Variants in PDZD2 observed in about 807,000 individuals in gnomAD.
The protein encoded by PDZD2 is PDZ domain-containing protein 2.
In PDZD2, 90 loss-of-function variants were observed where a neutral mutation model predicts 220.7. The observed-to-expected ratio is 0.41, with a 90% confidence interval of 0.34 to 0.49. The LOEUF is 0.49. Ranked by LOEUF, PDZD2 falls within the 20% of genes least tolerant of loss-of-function variation. The pLI, the probability that PDZD2 is intolerant of heterozygous loss-of-function variation, is 0.28. For missense variants in PDZD2, 3,174 were observed against 3,608.5 expected (o/e 0.88, Z 3.08); for synonymous variants, 1,375 against 1,450.5 (o/e 0.95, Z 1.18).
rs186673238 is a variant in PDZD2, at chr5:31,878,828, T to G, written c.476+79104T>G. Among the ~76,000 whole-genome samples, 1,437 of 151,714 alleles carry G rather than the reference T, an allele frequency of 9.5e-3. 25 individuals are homozygous for G. The highest frequency in any genetic ancestry group is 0.032 in the African/African-American group (1,327 of 41,510). On this transcript the variant is annotated intron_variant, in intron 2 of 24. Coordinates refer to ENST00000438447, the MANE Select transcript of PDZD2 (RefSeq NM_178140.4). ...CGCCTGCCTCGGCCTCCCAAAGTGC[T>G]GGGATTACAGGCGTGAGCCACCGCG...
chr5:31,846,157 G>A (rs1422801868), intron 2 of PDZD2, among the ~76,000 whole-genome samples: 4 of 152,072 alleles, frequency 2.6e-5, no homozygotes, highest in Non-Finnish European at 2.9e-5. Flanking sequence ...TCTTTGAGAC[G>A]GAGTCTCACT....
chr5:31,853,831 G>A (rs1009837660), intron 2 of PDZD2, among the ~76,000 whole-genome samples: 2 of 152,156 alleles, frequency 1.3e-5, no homozygotes, highest in Admixed American at 1.3e-4. Flanking sequence ...GCCTGCCTGT[G>A]CAAGTCCCGG....
rs57714955 is a variant in PDZD2 at position 32,053,558 on chromosome 5, C to T, written c.1786-211C>T. On this transcript the variant is annotated intron_variant, in intron 9 of 24. Transcript: ENST00000438447. Reference sequence around the variant, plus strand: ...TTAATGTAATGCATGGCTAGTGCAGCGTAAATAGATCGGAGGAGGGGAATA... The same window carrying T: ...TTAATGTAATGCATGGCTAGTGCAGTGTAAATAGATCGGAGGAGGGGAATA... 9.5e-3 allele frequency among the ~76,000 whole-genome samples: 1,446 copies of T among 152,210 alleles called. 24 individuals carry two copies. Among genetic ancestry groups the T allele is most frequent in the African/African-American group, 0.032 (1,343 of 41,518 alleles).
chr5:31,868,652 C>T (rs1738454890), intron 2 of PDZD2, among the ~76,000 whole-genome samples: 1 of 152,102 alleles, frequency 6.6e-6, no homozygotes. Flanking sequence ...AACTCCTGGG[C>T]CCCTTGTTCT....
chr5:31,850,052 G>T (rs1273462402), intron 2 of PDZD2, among the ~76,000 whole-genome samples: 2 of 113,776 alleles, frequency 1.8e-5, no homozygotes, highest in East Asian at 2.4e-4. Context: ...ATATATATAC[G>T]TGTATATATA....
chr5:32,078,848 A>G (rs919403125), intron 19 of PDZD2, among the ~76,000 whole-genome samples: 1 of 151,750 alleles, frequency 6.6e-6, no homozygotes, highest in African/African-American at 2.4e-5. Flanking sequence ...GTGTATGTAA[A>G]ATTTGGCTAC....
chr5:31,921,724 GA>G (rs1744277395), intron 2 of PDZD2, among the ~76,000 whole-genome samples: 2 of 152,136 alleles, frequency 1.3e-5, no homozygotes, highest in East Asian at 3.9e-4. Flanking sequence ...CTCTTGAGCC[GA>G]ATATCTTTTC....
At chr5:32,008,561 A>G (rs1356110882) in intron 5 of PDZD2, among the ~76,000 whole-genome samples, 1 of 152,178 alleles carries the variant, frequency 6.6e-6, no homozygotes, top group Non-Finnish European at 1.5e-5. Flanking sequence ...CTAGGATTAC[A>G]GGCATGAGCC....
At chr5:31,649,034 A>G (rs944465106) in intron 1 of PDZD2, among the ~76,000 whole-genome samples, 11 of 151,938 alleles carry the variant, frequency 7.2e-5, no homozygotes, top group African/African-American at 2.7e-4. Context: ...CCCCCAACCC[A>G]GAGGGGTTTT....
At chr5:31,932,633 A>C (rs528479656) in intron 2 of PDZD2, among the ~76,000 whole-genome samples, 1 of 152,334 alleles carries the variant, frequency 6.6e-6, no homozygotes, top group African/African-American at 2.4e-5. Context: ...TCTCATTTTA[A>C]TAAATTTAAA....
At chr5:31,870,654 G>C (rs566280544) in intron 2 of PDZD2, among the ~76,000 whole-genome samples, 1 of 152,196 alleles carries the variant, frequency 6.6e-6, no homozygotes, top group African/African-American at 2.4e-5. Flanking sequence ...TTGGGAGGGC[G>C]AGGTGGGTGG....
At chr5:31,654,168 A>G (rs912408510) in intron 1 of PDZD2, among the ~76,000 whole-genome samples, 3 of 152,106 alleles carry the variant, frequency 2.0e-5, no homozygotes, top group Non-Finnish European at 2.9e-5. Context: ...AACTGCTCCT[A>G]TCGTTGTTGT....
intron 1 of PDZD2, among the ~76,000 whole-genome samples, chr5:31,657,766 G>A (rs1481711866): frequency 1.3e-5 from 2 of 152,148 alleles, no homozygotes; most frequent in African/African-American, 2.4e-5. Flanking sequence ...CAGGTTTGAG[G>A]AGGCCAGGGA....
intron 2 of PDZD2, among the ~76,000 whole-genome samples, chr5:31,854,039 G>C (rs1381724916): frequency 6.6e-6 from 1 of 152,224 alleles, no homozygotes; most frequent in Non-Finnish European, 1.5e-5. Flanking sequence ...TTTTCAACAA[G>C]TGTCAGGAGT....
intron 3 of PDZD2, among the ~76,000 whole-genome samples, chr5:31,995,202 T>C (rs1751530911): frequency 6.6e-6 from 1 of 152,202 alleles, no homozygotes; most frequent in Non-Finnish European, 1.5e-5. Context: ...TTAATCACTT[T>C]GCTATGCTGC....
chr5:32,037,195 G>T (rs192035110), intron 6 of PDZD2, 36 bp from the exon 7 acceptor site: 5 of 1,331,484 alleles, frequency 3.8e-6, no homozygotes, highest in Non-Finnish European at 5.4e-6. Context: ...CGCAGGGCTG[G>T]GCTCTCCCAT....
chr5:31,909,579 T>A (rs937035518), intron 2 of PDZD2, among the ~76,000 whole-genome samples: 1 of 152,282 alleles, frequency 6.6e-6, no homozygotes, highest in African/African-American at 2.4e-5. Context: ...AAAAGGTTTT[T>A]GGCCAACATT....
At position 32,088,396 on chromosome 5, in the gene PDZD2, GC is replaced by G. The variant is rs757435818; in HGVS notation, c.4950del (p.Cys1651AlafsTer21). 2 of 1,613,862 alleles carry G rather than the reference GC, an allele frequency of 1.2e-6. No individual in the cohort carries two copies. Among genetic ancestry groups the G allele is most frequent in the South Asian group, 2.2e-5 (2 of 91,056 alleles). On this transcript the variant is annotated frameshift_variant, in exon 20 of 25. Transcript: ENST00000438447. LOFTEE classifies it high-confidence loss of function. This position sits in a 1 kb window ranked among gnomAD's most constrained non-coding sequence, Gnocchi z 4.6. ...ESVASPREKA[A>X]CLPGSYTSGP... is the part of the protein sequence containing the mutation. ...GGTGGCCAGTCCCCGTGAGAAGGCC[GC>G]CTGCTTGCCAGGCTCATACACTTCA...
rs762616977 is a variant in PDZD2 at position 31,734,942 on chromosome 5, G to A, written c.-360-63947G>A. ...GTAAATGACAATATCACAATTCCTCGAGGATTTTTTGTTTACATGCATCAG... is the reference window on the plus strand; with the variant it reads ...GTAAATGACAATATCACAATTCCTCAAGGATTTTTTGTTTACATGCATCAG... On this transcript the variant is annotated intron_variant, in intron 1 of 24. Transcript: ENST00000438447. Among the ~76,000 whole-genome samples, 53 of 152,250 alleles carry A rather than the reference G, an allele frequency of 3.5e-4. 1 individual carries two copies. Among genetic ancestry groups the A allele is most frequent in the Admixed American group, 2.6e-4 (4 of 15,288 alleles).
Sources: gnomAD v4.1 joint callset for allele counts (sites outside exome capture counted in the v4.1 genomes callset) on GRCh38, gnomAD v4.1.1 for gene constraint, Gnocchi (gnomAD v3.1) non-coding constraint, MANE v1.5 for transcripts, NCBI Gene and HGNC (gene_info 2026-07-23, HGNC 2026-07-21) for gene names.